The following GLIS3 variants were observed in gnomAD, a reference collection of about 807,000 sequenced individuals.
The protein encoded by GLIS3 is zinc finger protein GLIS3.
GLIS3 carries 53 observed loss-of-function variants against 78.6 expected under a neutral mutation model. The observed-to-expected ratio is 0.67, with a 90% CI of 0.54 to 0.85. The LOEUF (loss-of-function observed/expected upper bound fraction) is 0.85, where lower values mean the gene tolerates loss of function less well. Among genes scored for constraint, GLIS3 ranks in the 40% least tolerant of loss-of-function variants. The probability of loss-of-function intolerance (pLI) is 0.00; values close to 1 mark genes in which losing one functional copy is unlikely to be tolerated. For synonymous variants in GLIS3, 684 were observed against 509.9 expected, an observed-to-expected ratio of 1.34 and a Z score of -4.60; for missense variants, 1,703 against 1,231.1, an observed-to-expected ratio of 1.38 and a Z score of -5.74.
intron 1 of GLIS3, among the ~76,000 whole-genome samples, chr9:4,288,459 G>C (rs1828183858): frequency 6.8e-6 from 1 of 147,344 alleles, no homozygotes; most frequent in African/African-American, 2.5e-5. Context: ...TTTTCAGACT[G>C]TGCCCATTTC....
At chr9:3,965,942 G>T (rs1563899959) in intron 4 of GLIS3, among the ~76,000 whole-genome samples, 1 of 152,226 alleles carries the variant, frequency 6.6e-6, no homozygotes, top group Non-Finnish European at 1.5e-5. Flanking sequence ...GTTCTTCACT[G>T]TGTGGTCTTC....
the GLIS3 span, among the ~76,000 whole-genome samples, chr9:4,379,816 A>G: frequency 1.5e-4 from 23 of 152,360 alleles, no homozygotes; most frequent in African/African-American, 5.5e-4. Context: ...TTTGCAAAAG[A>G]CAGGTGCAAA....
At chr9:4,479,665 G>A in the GLIS3 span, among the ~76,000 whole-genome samples, 1 of 152,076 alleles carries the variant, frequency 6.6e-6, no homozygotes, top group East Asian at 1.9e-4. Flanking sequence ...TCTCCACCTG[G>A]CCACACTGCC....
intron 4 of GLIS3, among the ~76,000 whole-genome samples, chr9:4,025,655 G>C (rs1044759591): frequency 1.3e-5 from 2 of 152,090 alleles, no homozygotes; most frequent in African/African-American, 4.8e-5. Flanking sequence ...CAAAATGCTG[G>C]GATTACAGGT....
upstream of GLIS3, among the ~76,000 whole-genome samples, chr9:4,302,252 G>A (rs763365372): frequency 1.3e-5 from 2 of 152,074 alleles, no homozygotes; most frequent in Non-Finnish European, 2.9e-5. Flanking sequence ...TCATACTCTG[G>A]CAGCCCTTCA....
Sources: allele counts gnomAD v4.1 joint callset (sites outside exome capture counted in the v4.1 genomes callset), GRCh38; gene constraint gnomAD v4.1.1; transcripts MANE v1.5; gene names NCBI Gene and HGNC (gene_info 2026-07-23, HGNC 2026-07-21).